EDEM3: variants seen among roughly 807,000 people sequenced by gnomAD.
EDEM3 encodes the protein ER degradation-enhancing alpha-mannosidase-like protein 3.
Under a neutral mutation model 110.2 loss-of-function variants are expected in EDEM3, and 60 were observed. That is an observed-to-expected ratio of 0.54 (90% CI 0.44 to 0.67). The LOEUF is 0.67. Ranked by LOEUF, EDEM3 falls within the 30% of genes least tolerant of loss-of-function variation. The pLI is 0.00. For synonymous variants in EDEM3, 352 were observed against 382.9 expected, an observed-to-expected ratio of 0.92 and a Z score of 0.94; for missense variants, 996 against 1,121.0, an observed-to-expected ratio of 0.89 and a Z score of 1.59.
At chr1:184,698,546 T>C (rs1483968614) in intron 19 of EDEM3, among the ~76,000 whole-genome samples, 4 of 151,868 alleles carry the variant, frequency 2.6e-5, no homozygotes, top group Non-Finnish European at 5.9e-5. Flanking sequence ...TATTTAGAAA[T>C]GTATAAAGCA....
At chr1:184,717,090 T>C (rs796770613) in intron 12 of EDEM3, 78 bp from the exon 13 acceptor site, 8 of 1,232,302 alleles carry the variant, frequency 6.5e-6, no homozygotes, top group African/African-American at 4.6e-5. Flanking sequence ...CAAATATTTA[T>C]TGAGTACCTA....
Position 184,729,540 on chromosome 1 carries a change from A to C in EDEM3, c.613-3151T>G, listed in dbSNP as rs188237734. 2.0e-5 allele frequency among the ~76,000 whole-genome samples: 3 copies of C among 152,316 alleles called. No homozygotes were observed. In the East Asian group the frequency reaches 5.8e-4, roughly 29 times the overall value. Reference sequence around the variant, plus strand: ...TAAAGTTTATATATGAGTTTAAAAAATGACCAACTCTTACAATACCATTTC... The same window carrying C: ...TAAAGTTTATATATGAGTTTAAAAACTGACCAACTCTTACAATACCATTTC... On this transcript the variant is annotated intron_variant, in intron 6 of 19. Transcript: ENST00000318130.
At chr1:184,735,050 C>T (rs187068189) in intron 4 of EDEM3, among the ~76,000 whole-genome samples, 2 of 152,286 alleles carry the variant, frequency 1.3e-5, no homozygotes, top group Admixed American at 6.5e-5. Context: ...TTCTTCAAGG[C>T]ATGTTCAATT....
intron 8 of EDEM3, among the ~76,000 whole-genome samples, chr1:184,721,895 C>A (rs1239037927): frequency 6.6e-6 from 1 of 151,370 alleles, no homozygotes; most frequent in Non-Finnish European, 1.5e-5. Flanking sequence ...AGAACTGAAC[C>A]AACTCTAGAC....
In EDEM3 at chr1:184,737,078, G is replaced by A. The variant is rs199769260; in HGVS notation, c.306-14C>T. ...GTCAGAGAAAATCTAAGAAACAAGC[G>A]TTAACAAGATATAAAACATTAGAAT... On this transcript the variant is annotated splice_polypyrimidine_tract_variant and intron_variant, in intron 3 of 19. Transcript: ENST00000318130. The A allele has an allele frequency of 5.7e-5, 92 of 1,606,482 alleles. No individual in the cohort carries two copies. Among genetic ancestry groups the A allele is most frequent in the Non-Finnish European group, 7.5e-5 (88 of 1,173,764 alleles).
chr1:184,715,151 C>G (rs543994267), intron 13 of EDEM3, among the ~76,000 whole-genome samples: 1 of 152,040 alleles, frequency 6.6e-6, no homozygotes, highest in East Asian at 1.9e-4. Flanking sequence ...GTGCCAGACA[C>G]ATCTTGAGTA....
At position 184,737,837 on chromosome 1, in the gene EDEM3, G is replaced by T. The variant is rs967606457; in HGVS notation, c.205-126C>A. On this transcript the variant is annotated intron_variant, in intron 2 of 19. Transcript: ENST00000318130. ...AAAAGTTGTACTAAATTTACACCCT[G>T]TGGAATCTTTTCAAAAATCTTTAAT... is the stretch of plus-strand genomic sequence containing the variant. The T allele has an allele frequency of 5.2e-6, 4 of 773,374 alleles. No homozygotes were observed. In the African/African-American group the frequency reaches 5.3e-5, roughly 10 times the overall value. The allele number at this position is 773,374 out of a possible 1,614,324, so 47.9% of individuals were successfully genotyped here.
intron 6 of EDEM3, among the ~76,000 whole-genome samples, chr1:184,732,288 G>A (rs1304157849): frequency 2.0e-5 from 3 of 152,024 alleles, no homozygotes; most frequent in Non-Finnish European, 2.9e-5. Flanking sequence ...ATAGAGAGTA[G>A]AACAATGGTT....
rs187574368 is a variant in EDEM3, at chr1:184,731,775, A to C, written c.612+1062T>G. Among the ~76,000 whole-genome samples, 554 of 152,356 alleles carry C rather than the reference A, an allele frequency of 3.6e-3. 3 individuals are homozygous for C. Among genetic ancestry groups the C allele is most frequent in the Admixed American group, 7.1e-3 (108 of 15,302 alleles). ...AATCTGTAATGTAATGACACATTAA[A>C]GCTTAAATTTTACATATACACAATG... On this transcript the variant is annotated intron_variant, in intron 6 of 19. Coordinates refer to ENST00000318130, the MANE Select transcript of EDEM3 (RefSeq NM_025191.4).
chr1:184,723,167 T>TTACTTCATAGTAAGTAA (rs1357141620), intron 8 of EDEM3, among the ~76,000 whole-genome samples: 10 of 152,042 alleles, frequency 6.6e-5, no homozygotes, highest in African/African-American at 2.2e-4. Flanking sequence ...ATCTCGTTAC[T>TTACTTCATAGTAAGTAA]GGGCACTTAC....
chr1:184,693,353 T>G lies in EDEM3; in HGVS notation c.*710A>C, dbSNP rs1320995275. Reference sequence around the variant, plus strand: ...AGTATTAAGTAAGCAATCTCCACAATGTATTATATGACCTTTTTACCTGGT... The same window carrying G: ...AGTATTAAGTAAGCAATCTCCACAAGGTATTATATGACCTTTTTACCTGGT... On this transcript the variant is annotated 3_prime_UTR_variant, in exon 20 of 20. Transcript: ENST00000318130. The G allele has an allele frequency of 6.5e-6, 1 of 152,866 alleles. No individual in the cohort carries two copies. Among genetic ancestry groups the G allele is most frequent in the Non-Finnish European group, 1.5e-5 (1 of 68,042 alleles). 9.5% of individuals were successfully genotyped at this position (152,866 alleles called of 1,614,324 possible). A position where few individuals can be genotyped will look rare whatever the true frequency, so the allele number is the denominator to read the frequency against.
chr1:184,732,158 A>G (rs1183183338), intron 6 of EDEM3, among the ~76,000 whole-genome samples: 1 of 152,046 alleles, frequency 6.6e-6, no homozygotes, highest in Non-Finnish European at 1.5e-5. Context: ...CCTAGGTGAC[A>G]GTGGGAGACT....
intron 2 of EDEM3, 26 bp downstream of exon 2, chr1:184,749,521 T>C (rs1218013085): frequency 3.3e-6 from 5 of 1,497,288 alleles, no homozygotes; most frequent in South Asian, 2.5e-5. Context: ...ACATAAATGG[T>C]AGGTAAAGAT....
At position 184,737,646 on chromosome 1, in the gene EDEM3, C is replaced by A. The variant is rs1454212108; in HGVS notation, c.270G>T (p.Glu90Asp). 5.6e-6 allele frequency: 9 copies of A among 1,613,914 alleles called. No homozygotes were observed. Among genetic ancestry groups the A allele is most frequent in the Non-Finnish European group, 6.8e-6 (8 of 1,179,930 alleles). The stretch of plus-strand genomic sequence containing the variant: ...CATCATCAACGTCACCGCGACTTGG[C>A]TCTTGGCCTCTAACTCGACCTCTAC... ...LTCRGRVRGQ[E>D]PSRGDVDDAL... The change falls in exon 3 of 20, where the codon GAG becomes GAT. Residue 90 changes from glutamate to aspartate, a missense_variant. This residue lies in a region of EDEM3 where 200 missense variants were observed against 183.8 expected (regional missense o/e 1.09). Coordinates refer to ENST00000318130, the MANE Select transcript of EDEM3 (RefSeq NM_025191.4).
chr1:184,717,593 C>T lies in EDEM3; in HGVS notation c.1192G>A (p.Ala398Thr), dbSNP rs563273025. 6 of 1,604,728 alleles carry T rather than the reference C, an allele frequency of 3.7e-6. No homozygotes were observed. Among genetic ancestry groups the T allele is most frequent in the South Asian group, 3.4e-5 (3 of 89,492 alleles). The change falls in exon 12 of 20, where the codon GCT (alanine) becomes ACT (threonine). Residue 398 changes from alanine (A) to threonine (T), a missense_variant. Ala to Thr is a moderately conservative substitution (Grantham distance 58). This residue lies in a region of EDEM3 where 310 missense variants were observed against 394.6 expected (regional missense o/e 0.79). Transcript: ENST00000318130. ...AFTTDFRVHW[A>T]QHPLRPEFAE... is the part of the protein sequence containing the mutation. ...AATTCTGGCCTTAAAGGATGTTGAG[C>T]CCAGTGTACTCTGAAATCTGTGGTA...
intron 2 of EDEM3, among the ~76,000 whole-genome samples, chr1:184,746,589 T>C (rs1392243896): frequency 1.3e-5 from 2 of 152,192 alleles, no homozygotes; most frequent in African/African-American, 4.8e-5. Flanking sequence ...TTGTCTTCAT[T>C]TTGCAGAGAT....
Position 184,721,338 on chromosome 1 carries a change from T to C in EDEM3, c.902A>G (p.Lys301Arg). 1 of 1,606,824 alleles carries C rather than the reference T, an allele frequency of 6.2e-7. No individual in the cohort carries two copies. The stretch of plus-strand genomic sequence containing the variant: ...GTCATCTCCAAGCAAGACATAGGCT[T>C]TCAACAGATATTCATAATATGAATC... The part of the protein sequence containing the change: ...GIDSYYEYLL[K>R]AYVLLGDDSF... Residue 301 changes from lysine to arginine, a missense_variant, in exon 9 of 20, where the codon AAA becomes AGA. Around this residue, in one of 5 missense-constraint regions of EDEM3, gnomAD observed 310 missense variants for 394.6 expected, o/e 0.79. Transcript: ENST00000318130.
At chr1:184,698,795 AG>A (rs1649460881) in intron 19 of EDEM3, among the ~76,000 whole-genome samples, 1 of 151,882 alleles carries the variant, frequency 6.6e-6, no homozygotes, top group African/African-American at 2.4e-5. Flanking sequence ...AGAGACAGAG[AG>A]AGAGAGACAG....
At position 184,754,338 on chromosome 1, in the gene EDEM3, G is replaced by A. The variant is rs980730486; in HGVS notation, c.158+151C>T. ...CGCGGGCGGCGGTTCCCACCTCCCCGGACCCTGTCCACCCCTCTAGGGTTC... is the reference window on the plus strand; with the variant it reads ...CGCGGGCGGCGGTTCCCACCTCCCCAGACCCTGTCCACCCCTCTAGGGTTC... On this transcript the variant is annotated intron_variant, in intron 1 of 19. Transcript: ENST00000318130. The A allele has an allele frequency of 1.3e-5, 17 of 1,290,910 alleles. No individual in the cohort carries two copies. The African/African-American group carries it at 1.6e-4, about 12-fold the overall frequency. 80.0% of individuals were successfully genotyped at this position (1,290,910 alleles called of 1,614,324 possible).
Sources: gnomAD v4.1 joint callset for allele counts (sites outside exome capture counted in the v4.1 genomes callset) on GRCh38, gnomAD v4.1.1 for gene constraint, gnomAD v4.1.1 regional missense constraint, MANE v1.5 for transcripts, NCBI Gene and HGNC (gene_info 2026-07-23, HGNC 2026-07-21) for gene names.